Variants in AK3 observed in about 807,000 individuals in gnomAD.
AK3 encodes the protein adenylate kinase 3, also known as GTP:AMP phosphotransferase AK3, mitochondrial.
Under a neutral mutation model 23.7 loss-of-function variants are expected in AK3, and 27 were observed. The observed-to-expected ratio is 1.14, with a 90% CI of 0.84 to 1.57. AK3 has a LOEUF of 1.57. Ranked by LOEUF, AK3 falls within the 40% of genes most tolerant of loss-of-function variation. AK3 has a pLI of 0.00. For missense variants in AK3, 406 were observed against 285.6 expected (o/e 1.42, Z -3.04); for synonymous variants, 159 against 116.0 (o/e 1.37, Z -2.38).
chr9:4,713,105 G>C lies in AK3; in HGVS notation c.564-9C>G. 3.1e-6 allele frequency: 5 copies of C among 1,612,472 alleles called. No homozygotes were observed. Among genetic ancestry groups the C allele is most frequent in the Non-Finnish European group, 4.2e-6 (5 of 1,179,220 alleles). On this transcript the variant is annotated splice_polypyrimidine_tract_variant and intron_variant, in intron 4 of 4. Coordinates refer to ENST00000381809, the MANE Select transcript of AK3 (RefSeq NM_016282.4). ...CCAGCACCCCTTTTTTCCTAAAGATGAAACAAAAACAAAACAAACACACAC... is the reference window on the plus strand; with the variant it reads ...CCAGCACCCCTTTTTTCCTAAAGATCAAACAAAAACAAAACAAACACACAC...
chr9:4,728,309 G>A (rs955521507), intron 1 of AK3, among the ~76,000 whole-genome samples: 3 of 152,210 alleles, frequency 2.0e-5, no homozygotes, highest in African/African-American at 7.2e-5. Flanking sequence ...AATGGCTCAT[G>A]CCTGTAATCC....
chr9:4,726,116 T>G lies in AK3; in HGVS notation c.152-3491A>C, dbSNP rs147236590. 2.3e-3 allele frequency among the ~76,000 whole-genome samples: 346 copies of G among 152,346 alleles called. 3 individuals carry two copies. Among genetic ancestry groups the G allele is most frequent in the African/African-American group, 8.0e-3 (331 of 41,578 alleles). ...AAAATAGTTTTATTGCTAAAAAATG[T>G]TAATGATCATCTGAGCCTTCAGAGA... On this transcript the variant is annotated intron_variant, in intron 1 of 4. Coordinates refer to ENST00000381809, the MANE Select transcript of AK3 (RefSeq NM_016282.4).
intron 2 of AK3, among the ~76,000 whole-genome samples, chr9:4,720,882 A>C (rs147835353): frequency 4.6e-5 from 7 of 152,268 alleles, no homozygotes; most frequent in African/African-American, 1.7e-4. Flanking sequence ...ATTCGGGAGA[A>C]ATAATGGCCC....
intron 1 of AK3, among the ~76,000 whole-genome samples, chr9:4,724,730 G>A (rs1841982208): frequency 2.0e-5 from 3 of 151,634 alleles, no homozygotes; most frequent in African/African-American, 7.3e-5. Flanking sequence ...AGTGAGCCAT[G>A]ATCATGCTAC....
chr9:4,716,544 C>A (rs761287183), intron 4 of AK3, among the ~76,000 whole-genome samples: 3 of 152,144 alleles, frequency 2.0e-5, no homozygotes, highest in Non-Finnish European at 4.4e-5. Context: ...ATTTTCAGAA[C>A]CAGCCTCATT....
chr9:4,738,290 C>G (rs1441468297), intron 1 of AK3, among the ~76,000 whole-genome samples: 1 of 152,134 alleles, frequency 6.6e-6, no homozygotes, highest in Admixed American at 6.5e-5. Flanking sequence ...CTCAGCCTCC[C>G]AAGTAGCTAG....
chr9:4,733,525 T>A (rs62540575), intron 1 of AK3, among the ~76,000 whole-genome samples: 1 of 151,990 alleles, frequency 6.6e-6, no homozygotes, highest in African/African-American at 2.4e-5. Context: ...CTCTGATGCA[T>A]GGAATATTGC....
At chr9:4,721,051 C>T (rs930380591) in intron 2 of AK3, among the ~76,000 whole-genome samples, 1 of 152,132 alleles carries the variant, frequency 6.6e-6, no homozygotes, top group Non-Finnish European at 1.5e-5. Flanking sequence ...CAAGACTTTT[C>T]ATTAAACTTT....
Position 4,741,019 on chromosome 9 carries a change from C to A in AK3, c.69G>T (p.Val23=). 1 of 1,591,258 alleles carries A rather than the reference C, an allele frequency of 6.3e-7. No individual in the cohort carries two copies. The highest frequency in any genetic ancestry group is 1.1e-5 in the South Asian group (1 of 87,474). Residue 23 remains valine, a synonymous_variant, in exon 1 of 5, where the codon GTG becomes GTT. Coordinates refer to ENST00000381809, the MANE Select transcript of AK3 (RefSeq NM_016282.4). The part of the protein sequence containing the change: ...MGAPGSGKGT[V]SSRITTHFEL... ...CGAAGTGTGTAGTGATGCGCGACGA[C>A]ACGGTGCCCTTGCCCGAGCCCGGGG...
intron 1 of AK3, among the ~76,000 whole-genome samples, chr9:4,732,389 A>G (rs439021): frequency 0.63 from 95,665 of 152,054 alleles, 30,553 homozygotes; most frequent in East Asian, 0.8. Context: ...GGCTATTTAA[A>G]TTTTGGGGAT....
intron 1 of AK3, among the ~76,000 whole-genome samples, chr9:4,727,524 C>T (rs1842046805): frequency 6.6e-6 from 1 of 152,186 alleles, no homozygotes; most frequent in Non-Finnish European, 1.5e-5. Context: ...ATCTCTCAGC[C>T]TTCACTGAAA....
intron 1 of AK3, among the ~76,000 whole-genome samples, chr9:4,739,526 C>T (rs1006454083): frequency 6.6e-6 from 1 of 150,750 alleles, no homozygotes; most frequent in Non-Finnish European, 1.5e-5. Context: ...ACTACAAAAA[C>T]AGAATGAAAT....
intron 1 of AK3, among the ~76,000 whole-genome samples, chr9:4,731,961 T>G (rs1368892318): frequency 6.6e-6 from 1 of 152,212 alleles, no homozygotes; most frequent in Non-Finnish European, 1.5e-5. Context: ...TATGATTTTC[T>G]TTTTTAGAGA....
Position 4,741,023 on chromosome 9 carries a change from G to T in AK3, c.65C>A (p.Thr22Asn), listed in dbSNP as rs139274633. Residue 22 changes from threonine (T) to asparagine (N), a missense_variant, in exon 1 of 5, where the codon ACC becomes AAC. Coordinates refer to ENST00000381809, the MANE Select transcript of AK3 (RefSeq NM_016282.4). ...GTGTGTAGTGATGCGCGACGACACG[G>T]TGCCCTTGCCCGAGCCCGGGGCCCC... ...IMGAPGSGKG[T>N]VSSRITTHFE... 6.9e-6 allele frequency: 11 copies of T among 1,588,770 alleles called. No individual in the cohort carries two copies. In the African/African-American group the frequency reaches 1.5e-4, roughly 22 times the overall value.
At chr9:4,736,228 A>G (rs1473160363) in intron 1 of AK3, among the ~76,000 whole-genome samples, 1 of 152,066 alleles carries the variant, frequency 6.6e-6, no homozygotes, top group Non-Finnish European at 1.5e-5. Flanking sequence ...TATGTTAATT[A>G]TATCTCAATA....
rs530394621 is a variant in AK3 at position 4,713,167 on chromosome 9, T to G, written c.564-71A>C. 3.8e-5 allele frequency: 59 copies of G among 1,562,890 alleles called. No homozygotes were observed. The South Asian group carries it at 3.8e-4, about 10-fold the overall frequency. ...TTCCTAATAAGCTCTTTCAAAGCCTTTCTGTAAATAATGATATTGTAGATA... is the reference window on the plus strand; with the variant it reads ...TTCCTAATAAGCTCTTTCAAAGCCTGTCTGTAAATAATGATATTGTAGATA... On this transcript the variant is annotated intron_variant, in intron 4 of 4. Transcript: ENST00000381809.
At chr9:4,725,650 T>C (rs1328369717) in intron 1 of AK3, among the ~76,000 whole-genome samples, 1 of 152,054 alleles carries the variant, frequency 6.6e-6, no homozygotes, top group Non-Finnish European at 1.5e-5. Flanking sequence ...ATGCATAGCA[T>C]GGGATGGAAG....
chr9:4,720,937 T>G (rs574556634), intron 2 of AK3, among the ~76,000 whole-genome samples: 1 of 152,302 alleles, frequency 6.6e-6, no homozygotes, highest in East Asian at 1.9e-4. Context: ...ACCTTGTTCC[T>G]GCTGCCAAAG....
At chr9:4,739,665 C>G (rs1317247993) in intron 1 of AK3, among the ~76,000 whole-genome samples, 1 of 152,028 alleles carries the variant, frequency 6.6e-6, no homozygotes, top group Admixed American at 6.6e-5. Flanking sequence ...GGCGCGGTGG[C>G]TCACGCCTGT....
Sources: gnomAD v4.1 joint callset for allele counts (sites outside exome capture counted in the v4.1 genomes callset) on GRCh38, gnomAD v4.1.1 for gene constraint, MANE v1.5 for transcripts, NCBI Gene and HGNC (gene_info 2026-07-23, HGNC 2026-07-21) for gene names.